Variants in PCDHGB4 observed in about 807,000 individuals in gnomAD.
PCDHGB4 encodes the protein protocadherin gamma-B4.
PCDHGB4 carries 38 observed loss-of-function variants against 60.5 expected under a neutral mutation model. That is an observed-to-expected ratio of 0.63 (90% CI 0.48 to 0.82). PCDHGB4 has a LOEUF of 0.82. Ranked by LOEUF, PCDHGB4 falls within the 40% of genes least tolerant of loss-of-function variation. The pLI is 0.00. For missense variants in PCDHGB4, 1,109 were observed against 1,209.6 expected (o/e 0.92, Z 1.23); for synonymous variants, 456 against 509.7 (o/e 0.89, Z 1.42).
chr5:141,409,360 A>G (rs746614262), intron 1 of PCDHGB4: 2 of 1,614,014 alleles, frequency 1.2e-6, no homozygotes, highest in Admixed American at 3.3e-5. Flanking sequence ...GGTGTAATAT[A>G]GAAACAGACA....
Position 141,431,072 on chromosome 5 carries a change from A to G in PCDHGB4, c.2397+40791A>G. On this transcript the variant is annotated intron_variant, in intron 1 of 3. Transcript: ENST00000519479. The surrounding 1 kb of genome is among the most constrained non-coding windows in gnomAD (Gnocchi z 4.8). ...TATGGGGGCCATCAAGTGTCAATTA[A>G]ATCTAGACATTCTGATGGAGGATAA... is the stretch of plus-strand genomic sequence containing the variant. 1 of 1,614,220 alleles carries G rather than the reference A, an allele frequency of 6.2e-7. No individual in the cohort carries two copies. Among genetic ancestry groups the G allele is most frequent in the Non-Finnish European group, 8.5e-7 (1 of 1,180,012 alleles).
chr5:141,488,846 C>T (rs1359759383), intron 1 of PCDHGB4, among the ~76,000 whole-genome samples: 1 of 152,174 alleles, frequency 6.6e-6, no homozygotes, highest in African/African-American at 2.4e-5. Flanking sequence ...GCTGAATCAA[C>T]CTGCAGCACG....
rs533857281 is a variant in PCDHGB4 at position 141,429,742 on chromosome 5, T to C, written c.2397+39461T>C. Among the ~76,000 whole-genome samples the C allele has an allele frequency of 3.8e-4, 58 of 152,336 alleles. 1 individual carries two copies. Among genetic ancestry groups the C allele is most frequent in the Admixed American group, 2.0e-4 (3 of 15,302 alleles). Reference sequence around the variant, plus strand: ...ATGAAAGTACGTAGCCAGTTATTTCTTAGGGAGAATTTTTTCCCTATATTT... The same window carrying C: ...ATGAAAGTACGTAGCCAGTTATTTCCTAGGGAGAATTTTTTCCCTATATTT... On this transcript the variant is annotated intron_variant, in intron 1 of 3. Transcript: ENST00000519479.
chr5:141,485,341 G>C lies in PCDHGB4; in HGVS notation c.2398-9466G>C. 1.2e-6 allele frequency: 2 copies of C among 1,614,118 alleles called. No homozygotes were observed. Among genetic ancestry groups the C allele is most frequent in the Non-Finnish European group, 8.5e-7 (1 of 1,180,022 alleles). ...TCGCTCAAGATTTCCTGCTGGATAC[G>C]GACAGTCTGTCAGCTCGCAGGCTGC... On this transcript the variant is annotated intron_variant, in intron 1 of 3. Coordinates refer to ENST00000519479, the MANE Select transcript of PCDHGB4 (RefSeq NM_003736.4). The surrounding 1 kb of genome is among the most constrained non-coding windows in gnomAD (Gnocchi z 5.7).
chr5:141,404,894 G>C (rs772084097), intron 1 of PCDHGB4: 1 of 1,613,878 alleles, frequency 6.2e-7, no homozygotes, highest in South Asian at 1.1e-5. Flanking sequence ...GGCTGTACAG[G>C]ACCATGGCCA....
chr5:141,429,377 GTT>G (rs566693637), intron 1 of PCDHGB4, among the ~76,000 whole-genome samples: 7 of 149,436 alleles, frequency 4.7e-5, no homozygotes, highest in African/African-American at 1.7e-4. Flanking sequence ...GAGAAAATGT[GTT>G]TTTTTTTTAA....
chr5:141,415,717 A>G, intron 1 of PCDHGB4: 1 of 839,652 alleles, frequency 1.2e-6, no homozygotes, highest in Non-Finnish European at 1.8e-6. Flanking sequence ...AACACTGATG[A>G]GTAGAATTTG....
chr5:141,489,610 C>G lies in PCDHGB4; in HGVS notation c.2398-5197C>G, dbSNP rs142775705. 3,083 of 1,614,088 alleles carry G rather than the reference C, an allele frequency of 1.9e-3. 6 individuals are homozygous for G. Among genetic ancestry groups the G allele is most frequent in the Non-Finnish European group, 2.4e-3 (2,793 of 1,179,988 alleles). ...GCTAATCCGTGTAGAGGTAGAGATC[C>G]TGGATCTCAATGACAACTCTCCTAG... On this transcript the variant is annotated intron_variant, in intron 1 of 3. Transcript: ENST00000519479. The surrounding 1 kb of genome is among the most constrained non-coding windows in gnomAD (Gnocchi z 4.5).
At chr5:141,455,959 G>A (rs112864392) in intron 1 of PCDHGB4, among the ~76,000 whole-genome samples, 2 of 150,430 alleles carry the variant, frequency 1.3e-5, no homozygotes. Flanking sequence ...GTGCAGTGGC[G>A]CGATCTCAGC....
chr5:141,504,078 C>T (rs1333392062), intron 2 of PCDHGB4, among the ~76,000 whole-genome samples: 1 of 152,078 alleles, frequency 6.6e-6, no homozygotes, highest in Non-Finnish European at 1.5e-5. Flanking sequence ...CCAGATGGTG[C>T]CAAACAGTTA....
chr5:141,437,693 C>G (rs1305650032), intron 1 of PCDHGB4, among the ~76,000 whole-genome samples: 1 of 151,638 alleles, frequency 6.6e-6, no homozygotes, highest in African/African-American at 2.4e-5. Context: ...GAGGCTAAAT[C>G]TCAAGAAAGA....
intron 1 of PCDHGB4, chr5:141,393,405 C>T (rs777100284): frequency 1.2e-6 from 2 of 1,614,032 alleles, no homozygotes; most frequent in Non-Finnish European, 1.7e-6. Flanking sequence ...GGTGCTGGAG[C>T]GCGCCCTGGA....
intron 1 of PCDHGB4, among the ~76,000 whole-genome samples, chr5:141,455,423 CA>C (rs2098822271): frequency 6.6e-6 from 1 of 152,040 alleles, no homozygotes; most frequent in Non-Finnish European, 1.5e-5. Flanking sequence ...AGCGGGGCTC[CA>C]AAAGAGGAGG....
chr5:141,405,225 C>T (rs2154536264), intron 1 of PCDHGB4: 4 of 1,614,082 alleles, frequency 2.5e-6, no homozygotes, highest in Non-Finnish European at 1.7e-6. Context: ...CAGGAGTTCT[C>T]CCTCACCGCT....
intron 1 of PCDHGB4, among the ~76,000 whole-genome samples, chr5:141,450,572 T>A (rs1276283357): frequency 6.6e-6 from 1 of 151,710 alleles, no homozygotes; most frequent in African/African-American, 2.4e-5. Flanking sequence ...CTGCAACTTC[T>A]GCCTCCCAGG....
In PCDHGB4 at chr5:141,489,432, G is replaced by A. The variant is rs2099687138; in HGVS notation, c.2398-5375G>A. ...TGACAGATCTGTTGAGCCGGCGGCTGCAATTGGGCTCTGAGGAGAATGGGC... is the reference window on the plus strand; with the variant it reads ...TGACAGATCTGTTGAGCCGGCGGCTACAATTGGGCTCTGAGGAGAATGGGC... On this transcript the variant is annotated intron_variant, in intron 1 of 3. Transcript: ENST00000519479. The surrounding 1 kb of genome is among the most constrained non-coding windows in gnomAD (Gnocchi z 4.5). 3.1e-6 allele frequency: 5 copies of A among 1,614,166 alleles called. No individual in the cohort carries two copies. Among genetic ancestry groups the A allele is most frequent in the Non-Finnish European group, 4.2e-6 (5 of 1,180,036 alleles).
At chr5:141,405,326 T>TGC in intron 1 of PCDHGB4, 1 of 1,614,220 alleles carries the variant, frequency 6.2e-7, no homozygotes, top group Non-Finnish European at 8.5e-7. Flanking sequence ...TGAGCCTTTG[T>TGC]GCGTCTCTGT....
Position 141,432,059 on chromosome 5 carries a change from A to T in PCDHGB4, c.2397+41778A>T. On this transcript the variant is annotated intron_variant, in intron 1 of 3. Transcript: ENST00000519479. This position sits in a 1 kb window ranked among gnomAD's most constrained non-coding sequence, Gnocchi z 6.0. ...TGACCGGGGAACCCCGCCCCTATCC[A>T]CGGAAACTCATATCTCGCTGAACGT... The T allele has an allele frequency of 6.2e-7, 1 of 1,614,170 alleles. No homozygotes were observed. Among genetic ancestry groups the T allele is most frequent in the Non-Finnish European group, 8.5e-7 (1 of 1,180,030 alleles).
At position 141,486,108 on chromosome 5, in the gene PCDHGB4, G is replaced by A. The variant is rs1184123075; in HGVS notation, c.2398-8699G>A. ...CTTTTGGGGCCCCTAGACTTTGAGA[G>A]TGAGAATTACTATGAATTTGATGTG... On this transcript the variant is annotated intron_variant, in intron 1 of 3. Coordinates refer to ENST00000519479, the MANE Select transcript of PCDHGB4 (RefSeq NM_003736.4). The surrounding 1 kb of genome is among the most constrained non-coding windows in gnomAD (Gnocchi z 5.0). 6 of 1,614,206 alleles carry A rather than the reference G, an allele frequency of 3.7e-6. No individual in the cohort carries two copies. Among genetic ancestry groups the A allele is most frequent in the South Asian group, 3.3e-5 (3 of 91,084 alleles).
Sources: allele counts gnomAD v4.1 joint callset (sites outside exome capture counted in the v4.1 genomes callset), GRCh38; gene constraint gnomAD v4.1.1; non-coding constraint Gnocchi (gnomAD v3.1); transcripts MANE v1.5; gene names NCBI Gene and HGNC (gene_info 2026-07-23, HGNC 2026-07-21).